The following PACSIN2 variants were observed in gnomAD, a reference collection of about 807,000 sequenced individuals.
PACSIN2 encodes the protein protein kinase C and casein kinase substrate in neurons 2, also known as protein kinase C and casein kinase substrate in neurons protein 2.
PACSIN2 carries 25 observed loss-of-function variants against 63.8 expected under a neutral mutation model. The observed-to-expected ratio is 0.39, with a 90% CI of 0.29 to 0.55. The LOEUF (loss-of-function observed/expected upper bound fraction) is 0.55, where lower values mean the gene tolerates loss of function less well. PACSIN2 is among the 20% of genes least tolerant of loss of function. The pLI, the probability that PACSIN2 is intolerant of heterozygous loss-of-function variation, is 0.62. For synonymous variants in PACSIN2, 255 were observed against 256.2 expected (o/e 1.00, Z 0.05); for missense variants, 518 against 646.9 (o/e 0.80, Z 2.16).
At chr22:42,998,255 A>G (rs1601616500) in intron 1 of PACSIN2, among the ~76,000 whole-genome samples, 1 of 152,304 alleles carries the variant, frequency 6.6e-6, no homozygotes, top group East Asian at 1.9e-4. Context: ...TCCTTCAGGG[A>G]CCGTGAATAT....
intron 10 of PACSIN2, among the ~76,000 whole-genome samples, chr22:42,874,329 A>T (rs897973730): frequency 1.3e-5 from 2 of 152,014 alleles, no homozygotes; most frequent in African/African-American, 4.8e-5. Context: ...CTATTAAAAA[A>T]AAAAAAAAAA....
intron 1 of PACSIN2, among the ~76,000 whole-genome samples, chr22:42,963,352 C>T (rs1920929877): frequency 6.6e-6 from 1 of 152,204 alleles, no homozygotes; most frequent in Non-Finnish European, 1.5e-5. Flanking sequence ...ACCAAGTTAA[C>T]TAAAGACCAG....
At chr22:42,875,487 A>G (rs1277230774) in intron 10 of PACSIN2, among the ~76,000 whole-genome samples, 1 of 151,908 alleles carries the variant, frequency 6.6e-6, no homozygotes, top group Non-Finnish European at 1.5e-5. Flanking sequence ...CTCCCACCTC[A>G]GCCTCCCAGA....
chr22:42,980,136 G>C (rs1921981747), intron 1 of PACSIN2, among the ~76,000 whole-genome samples: 1 of 151,806 alleles, frequency 6.6e-6, no homozygotes, highest in Non-Finnish European at 1.5e-5. Flanking sequence ...AACAAGTATA[G>C]AGTATTGGGT....
intron 1 of PACSIN2, among the ~76,000 whole-genome samples, chr22:42,970,688 A>G (rs534681267): frequency 6.6e-6 from 1 of 152,256 alleles, no homozygotes; most frequent in Non-Finnish European, 1.5e-5. Context: ...TTTAAAATTT[A>G]GCCAAGGAAG....
intron 5 of PACSIN2, 91 bp from the exon 6 acceptor site, chr22:42,884,652 T>A: frequency 1.1e-6 from 1 of 943,742 alleles, no homozygotes; most frequent in Non-Finnish European, 1.6e-6. Context: ...CTTCCCAGAT[T>A]CCAAATGCAA....
intron 1 of PACSIN2, among the ~76,000 whole-genome samples, chr22:42,992,458 C>G (rs1923106176): frequency 6.6e-6 from 1 of 152,206 alleles, no homozygotes; most frequent in South Asian, 2.1e-4. Context: ...GAAGTGGAAG[C>G]AGATGTTGGC....
chr22:42,987,880 T>A (rs1268489419), intron 1 of PACSIN2, among the ~76,000 whole-genome samples: 2 of 152,058 alleles, frequency 1.3e-5, no homozygotes, highest in African/African-American at 4.8e-5. Context: ...GTGGTTTATG[T>A]CTGTAATCCC....
intron 1 of PACSIN2, among the ~76,000 whole-genome samples, chr22:42,932,751 TA>T (rs552740061): frequency 4.5e-3 from 611 of 136,470 alleles, no homozygotes; most frequent in Non-Finnish European, 4.4e-3. Flanking sequence ...AAGTCAATTC[TA>T]AAAAAAAAAA....
intron 1 of PACSIN2, among the ~76,000 whole-genome samples, chr22:42,982,090 T>A (rs1372613528): frequency 1.2e-5 from 1 of 82,728 alleles, no homozygotes; most frequent in African/African-American, 5.0e-5. Flanking sequence ...TGAGGACCCC[T>A]CTGCCCGGCC....
At chr22:42,991,024 T>C (rs947393218) in intron 1 of PACSIN2, among the ~76,000 whole-genome samples, 1 of 152,156 alleles carries the variant, frequency 6.6e-6, no homozygotes, top group Non-Finnish European at 1.5e-5. Flanking sequence ...ACAAAGTGCT[T>C]ACAGCAGAAG....
intron 1 of PACSIN2, among the ~76,000 whole-genome samples, chr22:42,976,310 G>A (rs144330664): frequency 6.6e-6 from 1 of 152,272 alleles, no homozygotes; most frequent in East Asian, 1.9e-4. Context: ...GGTTCCTATA[G>A]AGCAAGGCCA....
chr22:42,893,646 C>A, intron 2 of PACSIN2, 33 bp from the exon 3 acceptor site: 1 of 1,601,912 alleles, frequency 6.2e-7, no homozygotes, highest in African/African-American at 1.3e-5. Context: ...AGGCAGGGGG[C>A]TTGGGGCAGC....
intron 1 of PACSIN2, among the ~76,000 whole-genome samples, chr22:42,978,390 A>G (rs1921853574): frequency 6.6e-6 from 1 of 152,202 alleles, no homozygotes. Flanking sequence ...CCAATAACCT[A>G]TAACGCTGAG....
intron 1 of PACSIN2, among the ~76,000 whole-genome samples, chr22:42,981,654 G>GA (rs1922150506): frequency 1.6e-5 from 2 of 122,920 alleles, no homozygotes; most frequent in African/African-American, 6.3e-5. Flanking sequence ...AGGTGGGGGG[G>GA]TCAGCCCCCC....
intron 1 of PACSIN2, among the ~76,000 whole-genome samples, chr22:42,981,448 T>G (rs1922116248): frequency 1.2e-5 from 1 of 86,622 alleles, no homozygotes; most frequent in Non-Finnish European, 2.2e-5. Flanking sequence ...GGAGCCCCTC[T>G]GCCCGGCCAG....
At chr22:42,982,682 G>A (rs1490205797) in intron 1 of PACSIN2, among the ~76,000 whole-genome samples, 1 of 133,446 alleles carries the variant, frequency 7.5e-6, no homozygotes, top group African/African-American at 2.9e-5. Context: ...CAGCATGCTC[G>A]TTAAGAGTCA....
At chr22:42,982,845 C>T (rs185809912) in intron 1 of PACSIN2, among the ~76,000 whole-genome samples, 2 of 95,172 alleles carry the variant, frequency 2.1e-5, no homozygotes, top group Non-Finnish European at 4.2e-5. Context: ...TCCCCCTCTG[C>T]GAGAAACACC....
chr22:42,934,712 G>A (rs1932857612), intron 1 of PACSIN2, among the ~76,000 whole-genome samples: 1 of 152,110 alleles, frequency 6.6e-6, no homozygotes, highest in Admixed American at 6.5e-5. Context: ...GTTCCTCTAT[G>A]GTGCCATTAT....
Sources: allele counts gnomAD v4.1 joint callset (sites outside exome capture counted in the v4.1 genomes callset), GRCh38; gene constraint gnomAD v4.1.1; transcripts MANE v1.5; gene names NCBI Gene and HGNC (gene_info 2026-07-23, HGNC 2026-07-21).